The following FRMPD4 variants were observed in gnomAD, a reference collection of about 807,000 sequenced individuals.
FRMPD4 encodes the protein FERM and PDZ domain-containing protein 4.
A neutral mutation model predicts 94.1 loss-of-function variants in FRMPD4; 22 were observed. The observed-to-expected ratio is 0.23, with a 90% CI of 0.17 to 0.33. The LOEUF is 0.33. Among genes scored for constraint, FRMPD4 ranks in the 10% least tolerant of loss-of-function variants. The pLI is 1.00. For synonymous variants in FRMPD4, 631 were observed against 548.6 expected (o/e 1.15, Z -2.10); for missense variants, 1,111 against 1,339.9 (o/e 0.83, Z 2.67).
At chrX:12,470,661 A>G (rs1481856050) in intron 1 of FRMPD4, among the ~76,000 whole-genome samples, 1 of 112,120 alleles carries the variant, frequency 8.9e-6, no homozygotes, top group African/African-American at 3.2e-5. Flanking sequence ...TTCATTTCAG[A>G]TATAATTATA....
intron 2 of FRMPD4, among the ~76,000 whole-genome samples, chrX:12,531,002 G>A (rs777621066): frequency 1.8e-5 from 2 of 111,349 alleles, no homozygotes; most frequent in South Asian, 3.9e-4. Flanking sequence ...AGGACAGAAC[G>A]GATAGAAGGA....
In FRMPD4 at chrX:12,683,484, C is replaced by T; in HGVS notation, c.470C>T (p.Ser157Phe). Residue 157 changes from serine (S) to phenylalanine (F), a missense_variant and splice_region_variant, in exon 6 of 17, where the codon TCT (serine) becomes TTT (phenylalanine). Physicochemically the swap from Ser to Phe is radical, Grantham distance 155. Around this residue, in one of 8 missense-constraint regions of FRMPD4, gnomAD observed 140 missense variants for 165.9 expected, o/e 0.84. Transcript: ENST00000675598. ...ILLTVIQPYP[S>F]PKSAFISAAK... ...ATAAAATGTTTTCTTTTCTTCTAGT[C>T]TCCCAAATCAGCATTTATTAGTGCT... The T allele has an allele frequency of 9.5e-7, 1 of 1,053,416 alleles. No individual in the cohort carries two copies. Among genetic ancestry groups the T allele is most frequent in the Non-Finnish European group, 1.3e-6 (1 of 754,438 alleles). The allele number at this position is 1,053,416 out of a possible 1,213,427, so 86.8% of individuals were successfully genotyped here. A position where few individuals can be genotyped will look rare whatever the true frequency, so the allele number is the denominator to read the frequency against.
At chrX:12,528,478 G>A (rs757687433) in intron 2 of FRMPD4, among the ~76,000 whole-genome samples, 1 of 108,947 alleles carries the variant, frequency 9.2e-6, no homozygotes, top group East Asian at 2.9e-4. Context: ...CCACCACCAC[G>A]CCCAGCTAAT....
chrX:12,038,408 C>T (rs2054731612), intron 3 of FRMPD4, among the ~76,000 whole-genome samples: 1 of 111,898 alleles, frequency 8.9e-6, no homozygotes, highest in South Asian at 3.7e-4. Flanking sequence ...GAGTTGTAAT[C>T]GTTCTTTATA....
intron 1 of FRMPD4, among the ~76,000 whole-genome samples, chrX:12,285,326 A>G (rs1457894873): frequency 8.9e-6 from 1 of 112,121 alleles, no homozygotes; most frequent in South Asian, 3.8e-4. Context: ...ATATTTGCTA[A>G]CAAAGACCAA....
intron 4 of FRMPD4, among the ~76,000 whole-genome samples, chrX:12,643,325 G>A (rs180737003): frequency 8.0e-4 from 89 of 110,884 alleles, no homozygotes; most frequent in Non-Finnish European, 1.5e-3. Context: ...GGTTCACTAC[G>A]TTGGCCAGTC....
At chrX:12,720,101 A>G (rs1602381869) in intron 16 of FRMPD4, among the ~76,000 whole-genome samples, 1 of 110,457 alleles carries the variant, frequency 9.1e-6, no homozygotes, top group African/African-American at 3.3e-5. Flanking sequence ...AGAAAGGAGG[A>G]AGAAAGAAAG....
At chrX:12,467,294 A>G (rs745698652) in intron 1 of FRMPD4, among the ~76,000 whole-genome samples, 1 of 111,684 alleles carries the variant, frequency 9.0e-6, no homozygotes, top group East Asian at 2.8e-4. Context: ...AACTTGTGCT[A>G]TGCAATAGAG....
intron 1 of FRMPD4, among the ~76,000 whole-genome samples, chrX:12,257,078 A>T (rs776173317): frequency 5.6e-4 from 63 of 112,303 alleles, no homozygotes; most frequent in African/African-American, 2.0e-3. Context: ...AGTTGAAATG[A>T]CACTTCAGAG....
chrX:12,467,148 A>G (rs1382083139), intron 1 of FRMPD4, among the ~76,000 whole-genome samples: 2 of 106,776 alleles, frequency 1.9e-5, no homozygotes, highest in African/African-American at 6.8e-5. Flanking sequence ...ATTGTGTTTC[A>G]TCATGACTTC....
intron 2 of FRMPD4, among the ~76,000 whole-genome samples, chrX:12,532,793 T>G (rs1415294051): frequency 9.0e-6 from 1 of 111,710 alleles, no homozygotes; most frequent in East Asian, 2.8e-4. Context: ...TGGCATCTAG[T>G]GGGTAAAGGC....
At chrX:12,716,001 T>TGGGGGCC in intron 14 of FRMPD4, 68 bp from the exon 15 acceptor site, 9 of 231,643 alleles carry the variant, frequency 3.9e-5, no homozygotes, top group East Asian at 8.5e-5. Context: ...GAGACGAGCC[T>TGGGGGCC]CCCACCCCCG....
intron 3 of FRMPD4, among the ~76,000 whole-genome samples, chrX:12,023,937 C>T (rs1015543621): frequency 3.6e-5 from 4 of 111,474 alleles, no homozygotes; most frequent in Non-Finnish European, 7.5e-5. Context: ...GGGAGAGTGG[C>T]AGTGGTGAAG....
intron 3 of FRMPD4, among the ~76,000 whole-genome samples, chrX:12,006,708 A>C (rs2054555850): frequency 8.9e-6 from 1 of 111,926 alleles, no homozygotes; most frequent in Non-Finnish European, 1.9e-5. Flanking sequence ...ATCTTACTCG[A>C]TGAGACTGAG....
chrX:12,259,438 G>A (rs1176389284), intron 1 of FRMPD4, among the ~76,000 whole-genome samples: 3 of 111,618 alleles, frequency 2.7e-5, no homozygotes, highest in African/African-American at 9.8e-5. Context: ...GGAATGCCAA[G>A]GATTGCCAGC....
intron 1 of FRMPD4, among the ~76,000 whole-genome samples, chrX:12,191,845 C>T (rs754166465): frequency 9.0e-5 from 10 of 111,398 alleles, no homozygotes; most frequent in Non-Finnish European, 1.5e-4. Flanking sequence ...TGTCCAAGCC[C>T]GTAGGATGTA....
At chrX:11,827,087 A>ATATATAT (rs58743575) in intron 1 of FRMPD4, among the ~76,000 whole-genome samples, 3,603 of 83,068 alleles carry the variant, frequency 0.043, 100 homozygotes, top group East Asian at 0.067. Context: ...TATATATATA[A>ATATATAT]AATATATATG....
chrX:11,845,956 A>G (rs1367053773), intron 1 of FRMPD4, among the ~76,000 whole-genome samples: 1 of 103,682 alleles, frequency 9.6e-6, no homozygotes, highest in African/African-American at 3.5e-5. Context: ...AGCATTCCCT[A>G]TGAAAACTGG....
At chrX:12,663,115 T>C (rs2059735681) in intron 4 of FRMPD4, among the ~76,000 whole-genome samples, 1 of 112,470 alleles carries the variant, frequency 8.9e-6, no homozygotes, top group African/African-American at 3.2e-5. Context: ...CTTTGTCAGA[T>C]GCATAGATTG....
Sources: allele counts gnomAD v4.1 joint callset (sites outside exome capture counted in the v4.1 genomes callset), GRCh38; gene constraint gnomAD v4.1.1; regional missense constraint gnomAD v4.1.1; transcripts MANE v1.5; gene names NCBI Gene and HGNC (gene_info 2026-07-23, HGNC 2026-07-21).